TDRD7: variants seen among roughly 807,000 people sequenced by gnomAD.
TDRD7 encodes the protein tudor domain-containing protein 7.
A neutral mutation model predicts 109.8 loss-of-function variants in TDRD7; 47 were observed. That is an observed-to-expected ratio of 0.43 (90% confidence interval 0.34 to 0.55). TDRD7 has a LOEUF of 0.55. Among genes scored for constraint, TDRD7 ranks in the 20% least tolerant of loss-of-function variants. TDRD7 has a pLI of 0.03. For missense variants in TDRD7, 1,164 were observed against 1,319.2 expected (o/e 0.88, Z 1.82); for synonymous variants, 424 against 457.3 (o/e 0.93, Z 0.93).
In TDRD7 at chr9:97,441,491, G is replaced by C. The variant is rs535780582; in HGVS notation, c.638-167G>C. Among the ~76,000 whole-genome samples the C allele has an allele frequency of 2.6e-5, 4 of 152,256 alleles. No homozygotes were observed. In the South Asian group the frequency reaches 8.3e-4, roughly 32 times the overall value. On this transcript the variant is annotated intron_variant, in intron 5 of 16. Transcript: ENST00000355295. ...CTGGTTATTTCAGGGTTAAAACTTAGAATGAAGTTGTCACGGTGCTGCTCT... is the reference window on the plus strand; with the variant it reads ...CTGGTTATTTCAGGGTTAAAACTTACAATGAAGTTGTCACGGTGCTGCTCT...
At chr9:97,438,213 G>T (rs1260850411) in intron 4 of TDRD7, among the ~76,000 whole-genome samples, 4 of 152,150 alleles carry the variant, frequency 2.6e-5, no homozygotes, top group African/African-American at 9.6e-5. Context: ...TATTAATATA[G>T]AAATAGGATG....
At chr9:97,431,973 A>G (rs914349041) in intron 3 of TDRD7, 52 bp from the exon 4 acceptor site, 2 of 1,506,670 alleles carry the variant, frequency 1.3e-6, no homozygotes, top group Non-Finnish European at 1.8e-6. Context: ...TCATAATGAA[A>G]GTGGGGTTTG....
rs145839305 is a variant in TDRD7 at position 97,482,900 on chromosome 9, C to T, written c.2464C>T (p.Pro822Ser). 3 of 1,614,088 alleles carry T rather than the reference C, an allele frequency of 1.9e-6. No individual in the cohort carries two copies. Among genetic ancestry groups the T allele is most frequent in the Non-Finnish European group, 1.7e-6 (2 of 1,180,002 alleles). Residue 822 changes from proline to serine, a missense_variant, in exon 15 of 17, where the codon CCT becomes TCT. Pro to Ser is a moderately conservative substitution (Grantham distance 74, BLOSUM62 -1). This residue lies in a region of TDRD7 where 233 missense variants were observed against 218.0 expected (regional missense o/e 1.07). Transcript: ENST00000355295. ...GATCGCACATGTTTATTTATTTACC[C>T]CTAAGAACTTCCCTGACCCTCATCG... ...RGIAHVYLFT[P>S]KNFPDPHRSI... is the part of the protein sequence containing the mutation.
rs377426521 is a variant in TDRD7 at position 97,485,442 on chromosome 9, C to G, written c.2916-1730C>G. Reference sequence around the variant, plus strand: ...CAACACATCAGTTTTCTGGGACTCTCTCTTCACTGCCCTATACCACTTATT... The same window carrying G: ...CAACACATCAGTTTTCTGGGACTCTGTCTTCACTGCCCTATACCACTTATT... On this transcript the variant is annotated intron_variant, in intron 15 of 16. Coordinates refer to ENST00000355295, the MANE Select transcript of TDRD7 (RefSeq NM_014290.3). Among the ~76,000 whole-genome samples the G allele has an allele frequency of 5.7e-4, 87 of 152,334 alleles. No homozygotes were observed. The South Asian group carries it at 0.018, about 31-fold the overall frequency.
At chr9:97,488,563 T>TG (rs890048201) in intron 16 of TDRD7, among the ~76,000 whole-genome samples, 3 of 148,658 alleles carry the variant, frequency 2.0e-5, no homozygotes, top group Non-Finnish European at 3.0e-5. Flanking sequence ...TTTAATGGTT[T>TG]TTTTTTTTTT....
At chr9:97,417,732 C>T (rs1034963402) in intron 1 of TDRD7, among the ~76,000 whole-genome samples, 4 of 152,206 alleles carry the variant, frequency 2.6e-5, no homozygotes, top group Non-Finnish European at 4.4e-5. Context: ...CCCTGCCCTT[C>T]CCCCAAAACC....
At chr9:97,414,616 T>C (rs994534511) in intron 1 of TDRD7, among the ~76,000 whole-genome samples, 1 of 152,222 alleles carries the variant, frequency 6.6e-6, no homozygotes, top group African/African-American at 2.4e-5. Context: ...TGTAGACTTA[T>C]GGAAATCCCT....
rs185538998 is a variant in TDRD7 at position 97,480,918 on chromosome 9, T to C, written c.2392T>C (p.Cys798Arg). 1.9e-6 allele frequency: 3 copies of C among 1,614,094 alleles called. No individual in the cohort carries two copies. The East Asian group carries it at 6.7e-5, about 36-fold the overall frequency. The stretch of plus-strand genomic sequence containing the variant: ...GTGGTTAAGAGATTCTGTTTTGAAT[T>C]GCTCGGACTGTAGCATTAAGGTTAG... ...VLWLRDSVLN[C>R]SDCSIKVTKV... Residue 798 changes from cysteine to arginine, a missense_variant, in exon 14 of 17, where the codon TGC becomes CGC. By Grantham distance (180) the Cys-to-Arg change is radical (BLOSUM62 -3). Transcript: ENST00000355295.
intron 6 of TDRD7, among the ~76,000 whole-genome samples, chr9:97,450,378 C>A (rs2118423496): frequency 6.6e-6 from 1 of 152,284 alleles, no homozygotes; most frequent in African/African-American, 2.4e-5. Context: ...AGGTATATGC[C>A]TGAATCAAGT....
chr9:97,464,699 C>T (rs1356080276), intron 7 of TDRD7, 143 bp from the exon 8 acceptor site: 5 of 803,990 alleles, frequency 6.2e-6, no homozygotes, highest in East Asian at 2.6e-5. Context: ...ACTGAATACA[C>T]GTTCTCCTCC....
At chr9:97,466,609 C>CA (rs1244621384) in intron 8 of TDRD7, among the ~76,000 whole-genome samples, 1 of 152,140 alleles carries the variant, frequency 6.6e-6, no homozygotes, top group Non-Finnish European at 1.5e-5. Flanking sequence ...ACACTGTTAA[C>CA]AATACAAAGG....
rs1587868231 is a variant in TDRD7 at position 97,441,543 on chromosome 9, T to G, written c.638-115T>G. ...CCTAATCCTGCTCCCTTCTAAGTCC[T>G]TTGGCTACCACAAGCCCACACTATA... On this transcript the variant is annotated intron_variant, in intron 5 of 16. Transcript: ENST00000355295. 1.2e-5 allele frequency: 11 copies of G among 911,276 alleles called. No homozygotes were observed. In the East Asian group the frequency reaches 2.9e-4, roughly 24 times the overall value. 56.4% of individuals were successfully genotyped at this position (911,276 alleles called of 1,614,324 possible).
At position 97,483,154 on chromosome 9, in the gene TDRD7, C is replaced by T. The variant is rs757783423; in HGVS notation, c.2718C>T (p.His906=). 1.9e-6 allele frequency: 3 copies of T among 1,614,172 alleles called. No individual in the cohort carries two copies. The highest frequency in any genetic ancestry group is 2.5e-6 in the Non-Finnish European group (3 of 1,180,036). Residue 906 remains histidine, a synonymous_variant, in exon 15 of 17, where the codon CAC becomes CAT. Transcript: ENST00000355295. ...FSTEELPPPV[H]LSKPGEHMDV... ...CAGAGGAACTGCCACCTCCTGTCCA[C>T]TTATCAAAGCCAGGGGAACACATGG...
In TDRD7 at chr9:97,495,068, T is replaced by G. The variant is rs529086764; in HGVS notation, c.3077-595T>G. Among the ~76,000 whole-genome samples the G allele has an allele frequency of 2.6e-5, 4 of 152,302 alleles. No homozygotes were observed. The East Asian group carries it at 5.8e-4, about 22-fold the overall frequency. On this transcript the variant is annotated intron_variant, in intron 16 of 16. Coordinates refer to ENST00000355295, the MANE Select transcript of TDRD7 (RefSeq NM_014290.3). ...AAATCGAATTTAGAATTCTCTAACT[T>G]GATTTCTCATGATCTGATCCAATCA...
chr9:97,489,411 T>C (rs952725938), intron 16 of TDRD7, among the ~76,000 whole-genome samples: 1 of 152,238 alleles, frequency 6.6e-6, no homozygotes, highest in African/African-American at 2.4e-5. Flanking sequence ...TCTTTATCCC[T>C]GATAACTTTC....
intron 1 of TDRD7, among the ~76,000 whole-genome samples, chr9:97,415,889 G>A (rs1030158366): frequency 1.3e-5 from 2 of 152,030 alleles, no homozygotes; most frequent in African/African-American, 4.8e-5. Context: ...GCCATCTTCC[G>A]AAAGTTTCAA....
At chr9:97,482,625 T>G (rs1290060183) in intron 14 of TDRD7, among the ~76,000 whole-genome samples, 4 of 152,236 alleles carry the variant, frequency 2.6e-5, no homozygotes, top group South Asian at 2.1e-4. Flanking sequence ...TTTTAAAGAT[T>G]AGTAAATTTT....
chr9:97,412,147 G>C lies in TDRD7; in HGVS notation c.-98G>C, dbSNP rs1017867694. 6.5e-6 allele frequency: 1 copy of C among 153,806 alleles called. No individual in the cohort carries two copies. Among genetic ancestry groups the C allele is most frequent in the African/African-American group, 2.4e-5 (1 of 41,450 alleles). 9.5% of individuals were successfully genotyped at this position (153,806 alleles called of 1,614,324 possible). ...CTCCGGTGGTGCGGGGAAACCGAAA[G>C]TGGGCGGCGGCCGCGGCGGGGCCCC... On this transcript the variant is annotated 5_prime_UTR_variant, in exon 1 of 17. Coordinates refer to ENST00000355295, the MANE Select transcript of TDRD7 (RefSeq NM_014290.3). The surrounding 1 kb of genome is among the most constrained non-coding windows in gnomAD (Gnocchi z 4.3).
chr9:97,454,086 A>C (rs546549370), intron 6 of TDRD7, among the ~76,000 whole-genome samples: 5 of 152,348 alleles, frequency 3.3e-5, no homozygotes, highest in Non-Finnish European at 7.3e-5. Flanking sequence ...AAATCAACAG[A>C]ATATACATTC....
Sources: gnomAD v4.1 joint callset for allele counts (sites outside exome capture counted in the v4.1 genomes callset) on GRCh38, gnomAD v4.1.1 for gene constraint, gnomAD v4.1.1 regional missense constraint, Gnocchi (gnomAD v3.1) non-coding constraint, MANE v1.5 for transcripts, NCBI Gene and HGNC (gene_info 2026-07-23, HGNC 2026-07-21) for gene names.